PDZRN4: variants seen among roughly 807,000 people sequenced by gnomAD.
The protein encoded by PDZRN4 is PDZ domain containing ring finger 4.
Under a neutral mutation model 99.0 loss-of-function variants are expected in PDZRN4, and 70 were observed. The ratio of observed to expected loss-of-function variants is 0.71; its 90% CI spans 0.58 to 0.86. The LOEUF (loss-of-function observed/expected upper bound fraction) is 0.86. Among genes scored for constraint, PDZRN4 ranks in the 40% least tolerant of loss-of-function variants. The pLI is 0.00. For missense variants in PDZRN4, 1,474 were observed against 1,331.2 expected, an observed-to-expected ratio of 1.11 and a Z score of -1.67; for synonymous variants, 551 against 501.6, an observed-to-expected ratio of 1.10 and a Z score of -1.32.
Position 41,285,736 on chromosome 12 carries a change from C to A in PDZRN4, c.843+91548C>A, listed in dbSNP as rs1269325181. Among the ~76,000 whole-genome samples, 5 of 151,712 alleles carry A rather than the reference C, an allele frequency of 3.3e-5. 1 individual carries two copies. Among genetic ancestry groups the A allele is most frequent in the African/African-American group, 1.2e-4 (5 of 41,324 alleles). On this transcript the variant is annotated intron_variant, in intron 3 of 9. Transcript: ENST00000402685. Reference sequence around the variant, plus strand: ...TGAAGCTGGAAACCATCATTCTCAGCAAACTAACACAAGAACAGAAAACCA... The same window carrying A: ...TGAAGCTGGAAACCATCATTCTCAGAAAACTAACACAAGAACAGAAAACCA...
intron 3 of PDZRN4, among the ~76,000 whole-genome samples, chr12:41,418,233 T>A (rs1046215213): frequency 6.6e-6 from 1 of 152,208 alleles, no homozygotes; most frequent in South Asian, 2.1e-4. Context: ...TGCTTTAAAA[T>A]CTAAATTGAA....
chr12:41,502,111 A>G (rs964336948), intron 3 of PDZRN4, among the ~76,000 whole-genome samples: 1 of 152,034 alleles, frequency 6.6e-6, no homozygotes, highest in Non-Finnish European at 1.5e-5. Flanking sequence ...CTCGTTGCAT[A>G]ATGTGTCTGC....
At chr12:41,541,850 G>A (rs1938863792) in intron 5 of PDZRN4, among the ~76,000 whole-genome samples, 1 of 152,160 alleles carries the variant, frequency 6.6e-6, no homozygotes, top group South Asian at 2.1e-4. Flanking sequence ...TCCTCTTTCT[G>A]GCACCCGAAG....
chr12:41,300,701 C>T (rs930984942), intron 3 of PDZRN4, among the ~76,000 whole-genome samples: 21 of 151,870 alleles, frequency 1.4e-4, no homozygotes, highest in African/African-American at 4.3e-4. Flanking sequence ...TGTCAAATAT[C>T]CCTAGGGCCT....
intron 3 of PDZRN4, among the ~76,000 whole-genome samples, chr12:41,286,368 T>C (rs73122803): frequency 0.04 from 5,952 of 148,358 alleles, 144 homozygotes; most frequent in Non-Finnish European, 0.06. Flanking sequence ...TTGTTGTTGT[T>C]GTTTTTGTTG....
At chr12:41,370,407 C>T (rs761854336) in intron 3 of PDZRN4, among the ~76,000 whole-genome samples, 3 of 151,956 alleles carry the variant, frequency 2.0e-5, no homozygotes, top group Admixed American at 1.3e-4. Context: ...AATATTTATC[C>T]GTTGTTTCTT....
intron 3 of PDZRN4, among the ~76,000 whole-genome samples, chr12:41,231,605 T>A (rs1416523992): frequency 6.6e-6 from 1 of 152,124 alleles, no homozygotes; most frequent in African/African-American, 2.4e-5. Flanking sequence ...AGAATTTACT[T>A]AGTCATTTTT....
chr12:41,419,627 C>T (rs1466022993), intron 3 of PDZRN4, among the ~76,000 whole-genome samples: 2 of 152,148 alleles, frequency 1.3e-5, no homozygotes, highest in South Asian at 2.1e-4. Flanking sequence ...AAACCTTTCT[C>T]ACCATGGGGG....
intron 3 of PDZRN4, among the ~76,000 whole-genome samples, chr12:41,325,952 T>G (rs1951706815): frequency 6.6e-6 from 1 of 152,138 alleles, no homozygotes; most frequent in Admixed American, 6.6e-5. Context: ...ATAAGTGCTC[T>G]TCCACAACAG....
At position 41,214,544 on chromosome 12, in the gene PDZRN4, T is replaced by C. The variant is rs184356757; in HGVS notation, c.843+20356T>C. Among the ~76,000 whole-genome samples the C allele has an allele frequency of 1.2e-4, 17 of 147,324 alleles. No homozygotes were observed. In the East Asian group the frequency reaches 3.3e-3, roughly 28 times the overall value. ...TGAGTAGAATTCTGGCTAGAATAAATAGGTAAAAGATGAAAGAAAGGGTTA... is the reference window on the plus strand; with the variant it reads ...TGAGTAGAATTCTGGCTAGAATAAACAGGTAAAAGATGAAAGAAAGGGTTA... On this transcript the variant is annotated intron_variant, in intron 3 of 9. Transcript: ENST00000402685.
At chr12:41,336,543 C>T (rs1195761348) in intron 3 of PDZRN4, among the ~76,000 whole-genome samples, 2 of 152,082 alleles carry the variant, frequency 1.3e-5, no homozygotes, top group Non-Finnish European at 2.9e-5. Flanking sequence ...ATGTCATAAC[C>T]ACCTAGTGGG....
intron 9 of PDZRN4, among the ~76,000 whole-genome samples, chr12:41,568,938 G>T (rs957474832): frequency 6.6e-6 from 1 of 150,602 alleles, no homozygotes; most frequent in Non-Finnish European, 1.5e-5. Flanking sequence ...CTGAGTAGCT[G>T]GGATTACAGA....
intron 3 of PDZRN4, among the ~76,000 whole-genome samples, chr12:41,317,048 G>GTATACATATATATATATATATATATA (rs374645706): frequency 0.013 from 895 of 69,484 alleles, 109 homozygotes; most frequent in Middle Eastern, 0.037. Context: ...CTTACATAAA[G>GTATACATATATATATATATATATATA]TATATATATA....
rs1407710588 is a variant in PDZRN4, at chr12:41,555,251, A to AAAAAAAAG, written c.1303-440_1303-439insGAAAAAAA. ...GTCTCAAAAAAAAAAAAAAAAAAAG[A>AAAAAAAAG]AAAAAAAAAGGACGGACTTACACTA... On this transcript the variant is annotated intron_variant, in intron 6 of 9. Coordinates refer to ENST00000402685, the MANE Select transcript of PDZRN4 (RefSeq NM_001164595.2). Among the ~76,000 whole-genome samples the AAAAAAAAG allele has an allele frequency of 2.7e-4, 39 of 146,876 alleles. 1 individual carries two copies. Among genetic ancestry groups the AAAAAAAAG allele is most frequent in the Admixed American group, 1.9e-3 (28 of 14,634 alleles).
chr12:41,326,208 G>C (rs900516266), intron 3 of PDZRN4, among the ~76,000 whole-genome samples: 2 of 151,610 alleles, frequency 1.3e-5, no homozygotes, highest in African/African-American at 4.8e-5. Context: ...AAATTTCTGG[G>C]CTCGAGCAAT....
intron 3 of PDZRN4, among the ~76,000 whole-genome samples, chr12:41,371,384 A>G (rs1456337973): frequency 6.6e-6 from 1 of 151,984 alleles, no homozygotes; most frequent in Non-Finnish European, 1.5e-5. Context: ...TTCCAGGAAA[A>G]TAGCAGGCTT....
rs1331276853 is a variant in PDZRN4 at position 41,510,013 on chromosome 12, G to A, written c.1203+100G>A. The A allele has an allele frequency of 1.5e-5, 9 of 602,936 alleles. No individual in the cohort carries two copies. The South Asian group carries it at 1.5e-4, about 10-fold the overall frequency. The allele number at this position is 602,936 out of a possible 1,614,324, so 37.3% of individuals were successfully genotyped here. ...AATTTATTACAGTGAGAAATGTCTT[G>A]TCTATTACATATCCAGTGTAAGATC... On this transcript the variant is annotated intron_variant, in intron 5 of 9. Coordinates refer to ENST00000402685, the MANE Select transcript of PDZRN4 (RefSeq NM_001164595.2).
chr12:41,390,545 G>A (rs1000555969), intron 3 of PDZRN4, among the ~76,000 whole-genome samples: 1 of 110,582 alleles, frequency 9.0e-6, no homozygotes, highest in African/African-American at 3.8e-5. Flanking sequence ...GTAGTCTGGG[G>A]TTTGAGAACT....
intron 3 of PDZRN4, among the ~76,000 whole-genome samples, chr12:41,205,010 T>C (rs932120028): frequency 1.1e-4 from 16 of 151,960 alleles, no homozygotes; most frequent in African/African-American, 3.9e-4. Flanking sequence ...TTAAAAGACA[T>C]TTAATTATTT....
Sources: allele counts gnomAD v4.1 joint callset (sites outside exome capture counted in the v4.1 genomes callset), GRCh38; gene constraint gnomAD v4.1.1; transcripts MANE v1.5; gene names NCBI Gene and HGNC (gene_info 2026-07-23, HGNC 2026-07-21).